The following ATF7IP2 variants were observed in gnomAD, a reference collection of about 807,000 sequenced individuals.
ATF7IP2 encodes activating transcription factor 7-interacting protein 2.
In ATF7IP2, 42 loss-of-function variants were observed where a neutral mutation model predicts 64.2. That is an observed-to-expected ratio of 0.65 (90% confidence interval 0.51 to 0.85). The LOEUF (loss-of-function observed/expected upper bound fraction) is 0.85. ATF7IP2 is among the 40% of genes least tolerant of loss of function. ATF7IP2 has a pLI of 0.00. For synonymous variants in ATF7IP2, 308 were observed against 272.8 expected, an observed-to-expected ratio of 1.13 and a Z score of -1.27; for missense variants, 933 against 784.2, an observed-to-expected ratio of 1.19 and a Z score of -2.27.
chr16:10,423,302 A>C (rs1185798790), intron 3 of ATF7IP2, among the ~76,000 whole-genome samples: 1 of 152,236 alleles, frequency 6.6e-6, no homozygotes, highest in African/African-American at 2.4e-5. Flanking sequence ...TAATGCTGGC[A>C]TCATCTGGCT....
chr16:10,421,743 CTG>C (rs2047992099), intron 3 of ATF7IP2, among the ~76,000 whole-genome samples: 1 of 152,236 alleles, frequency 6.6e-6, no homozygotes, highest in African/African-American at 2.4e-5. Context: ...TAATGTAACA[CTG>C]TGGACATTTT....
chr16:10,415,333 G>A lies in ATF7IP2; in HGVS notation c.-203+721G>A, dbSNP rs138708513. On this transcript the variant is annotated intron_variant, in intron 2 of 13. Transcript: ENST00000562102. The stretch of plus-strand genomic sequence containing the variant: ...GAAACAAATCCATATACCTACAGCG[G>A]GTGAACTCATGTTTGACAAAGATGT... 1.8e-3 allele frequency among the ~76,000 whole-genome samples: 275 copies of A among 152,222 alleles called. 2 individuals are homozygous for A. The highest frequency in any genetic ancestry group is 0.014 in the Middle Eastern group (4 of 294).
chr16:10,469,305 C>T (rs1406618742), intron 9 of ATF7IP2, among the ~76,000 whole-genome samples: 1 of 152,006 alleles, frequency 6.6e-6, no homozygotes, highest in African/African-American at 2.4e-5. Context: ...ATGAACAGAG[C>T]ATCAGAGACC....
intron 4 of ATF7IP2, among the ~76,000 whole-genome samples, chr16:10,430,273 A>G (rs1044357228): frequency 1.3e-5 from 2 of 152,222 alleles, no homozygotes; most frequent in African/African-American, 4.8e-5. Flanking sequence ...TTTAATGTTT[A>G]GATTATTTAA....
intron 1 of ATF7IP2, among the ~76,000 whole-genome samples, chr16:10,390,807 CTG>C (rs1181216277): frequency 2.0e-5 from 3 of 152,110 alleles, no homozygotes; most frequent in East Asian, 3.9e-4. Flanking sequence ...AAAAGAGAGA[CTG>C]AAAAAATATC....
intron 12 of ATF7IP2, 70 bp downstream of exon 12, chr16:10,474,059 C>G: frequency 1.9e-6 from 2 of 1,033,778 alleles, no homozygotes; most frequent in Admixed American, 2.2e-5. Flanking sequence ...TGCACTGGGT[C>G]TACTTATGAA....
chr16:10,413,811 C>T (rs574863153), intron 1 of ATF7IP2, among the ~76,000 whole-genome samples: 1 of 152,158 alleles, frequency 6.6e-6, no homozygotes. Context: ...TCACTGGATA[C>T]AAAACTCTTA....
intron 1 of ATF7IP2, among the ~76,000 whole-genome samples, chr16:10,388,389 G>C (rs1315478080): frequency 6.6e-6 from 1 of 152,188 alleles, no homozygotes; most frequent in Non-Finnish European, 1.5e-5. Context: ...GAAATGTTTA[G>C]AGAGGTGTTA....
intron 1 of ATF7IP2, among the ~76,000 whole-genome samples, chr16:10,410,288 C>T (rs2047727760): frequency 6.6e-6 from 1 of 151,996 alleles, no homozygotes; most frequent in African/African-American, 2.4e-5. Flanking sequence ...GGTCTTTTGA[C>T]TCCTTGGTTA....
At chr16:10,423,492 C>T (rs1416757420) in intron 3 of ATF7IP2, among the ~76,000 whole-genome samples, 2 of 152,138 alleles carry the variant, frequency 1.3e-5, no homozygotes, top group Non-Finnish European at 2.9e-5. Flanking sequence ...TCTATATCAC[C>T]CTCTCGTCTA....
At chr16:10,421,280 G>A (rs1596472594) in intron 3 of ATF7IP2, among the ~76,000 whole-genome samples, 1 of 152,068 alleles carries the variant, frequency 6.6e-6, no homozygotes, top group Non-Finnish European at 1.5e-5. Context: ...GTGAATCTGA[G>A]TTGAAAAAAA....
At chr16:10,420,167 G>C (rs548071665) in intron 3 of ATF7IP2, among the ~76,000 whole-genome samples, 1 of 152,178 alleles carries the variant, frequency 6.6e-6, no homozygotes, top group Non-Finnish European at 1.5e-5. Flanking sequence ...GCTAGAGCTT[G>C]GTTAGTATAT....
intron 8 of ATF7IP2, among the ~76,000 whole-genome samples, chr16:10,455,883 G>A (rs768995160): frequency 3.3e-5 from 5 of 152,346 alleles, no homozygotes; most frequent in Non-Finnish European, 7.3e-5. Flanking sequence ...TTTGTGTTAC[G>A]TAGTGGCAGG....
intron 11 of ATF7IP2, 29 bp from the exon 12 acceptor site, chr16:10,473,894 C>CTTTTTT (rs56766112): frequency 0.041 from 41,962 of 1,025,934 alleles, 2,413 homozygotes; most frequent in African/African-American, 0.26. Flanking sequence ...TGAGGCAAAG[C>CTTTTTT]TTTTTTTTTT....
At chr16:10,390,128 A>T (rs539471805) in intron 1 of ATF7IP2, among the ~76,000 whole-genome samples, 198 of 152,258 alleles carry the variant, frequency 1.3e-3, no homozygotes, top group Admixed American at 3.0e-3. Flanking sequence ...AATTGTTCTT[A>T]TTAAAGTGTT....
chr16:10,440,585 G>C (rs2141927331), intron 8 of ATF7IP2, 123 bp downstream of exon 8: 2 of 595,720 alleles, frequency 3.4e-6, no homozygotes, highest in Non-Finnish European at 5.8e-6. Context: ...TTTTTACTTA[G>C]AGTGTTCCCA....
rs1457153351 is a variant in ATF7IP2, at chr16:10,403,748, G to C, written c.-241-10826G>C. Among the ~76,000 whole-genome samples the C allele has an allele frequency of 3.3e-5, 5 of 152,088 alleles. 1 individual carries two copies. Among genetic ancestry groups the C allele is most frequent in the Admixed American group, 3.3e-4 (5 of 15,266 alleles). Reference sequence around the variant, plus strand: ...AGGATATGAATGAGAAATTTACCAAGGAAATAGATATCTTTTCGTAAAACC... The same window carrying C: ...AGGATATGAATGAGAAATTTACCAACGAAATAGATATCTTTTCGTAAAACC... On this transcript the variant is annotated intron_variant, in intron 1 of 13. Coordinates refer to ENST00000562102, the MANE Select transcript of ATF7IP2 (RefSeq NM_001393719.1).
At chr16:10,460,502 A>C (rs1481383879) in intron 9 of ATF7IP2, among the ~76,000 whole-genome samples, 1 of 152,238 alleles carries the variant, frequency 6.6e-6, no homozygotes, top group African/African-American at 2.4e-5. Flanking sequence ...TGAGATTGGC[A>C]TGCGCTGGAC....
At chr16:10,439,869 T>G (rs914555898) in intron 7 of ATF7IP2, among the ~76,000 whole-genome samples, 1 of 151,396 alleles carries the variant, frequency 6.6e-6, no homozygotes, top group Admixed American at 6.6e-5. Flanking sequence ...ACCTTTAATA[T>G]TATACAAGCA....
Sources: gnomAD v4.1 joint callset for allele counts (sites outside exome capture counted in the v4.1 genomes callset) on GRCh38, gnomAD v4.1.1 for gene constraint, MANE v1.5 for transcripts, NCBI Gene and HGNC (gene_info 2026-07-23, HGNC 2026-07-21) for gene names.